NPAT: variants seen among roughly 807,000 people sequenced by gnomAD.
The protein encoded by NPAT is nuclear protein, coactivator of histone transcription, also known as protein NPAT.
A neutral mutation model predicts 130.7 loss-of-function variants in NPAT; 52 were observed. The ratio of observed to expected loss-of-function variants is 0.40; its 90% CI spans 0.32 to 0.50. The LOEUF (loss-of-function observed/expected upper bound fraction) is 0.50, where lower values mean the gene tolerates loss of function less well. Ranked by LOEUF, NPAT falls within the 20% of genes least tolerant of loss-of-function variation. NPAT has a pLI of 0.68. For missense variants in NPAT, 1,687 were observed against 1,662.6 expected, an observed-to-expected ratio of 1.01 and a Z score of -0.26; for synonymous variants, 580 against 584.8, an observed-to-expected ratio of 0.99 and a Z score of 0.12.
intron 1 of NPAT, among the ~76,000 whole-genome samples, chr11:108,211,655 T>A (rs1470586196): frequency 6.6e-6 from 1 of 152,038 alleles, no homozygotes; most frequent in African/African-American, 2.4e-5. Context: ...TAATGCAAGG[T>A]TGGTTGAATA....
chr11:108,207,602 C>T (rs1306013249), intron 1 of NPAT, among the ~76,000 whole-genome samples: 2 of 152,262 alleles, frequency 1.3e-5, no homozygotes, highest in African/African-American at 2.4e-5. Context: ...TGCACACACC[C>T]AGCCAGGTCC....
chr11:108,180,857 T>G (rs555286887), intron 10 of NPAT, among the ~76,000 whole-genome samples: 3 of 152,322 alleles, frequency 2.0e-5, no homozygotes, highest in African/African-American at 7.2e-5. Flanking sequence ...GGAATATTAT[T>G]CAGCCTTTAA....
At chr11:108,173,947 C>T in intron 12 of NPAT, 96 bp from the exon 13 acceptor site, 1 of 1,045,108 alleles carries the variant, frequency 9.6e-7, no homozygotes, top group East Asian at 2.5e-5. Context: ...AAGAAAATAA[C>T]TCATCTTTGC....
intron 11 of NPAT, 151 bp downstream of exon 11, chr11:108,176,843 A>C (rs1414428296): frequency 1.6e-6 from 1 of 612,112 alleles, no homozygotes; most frequent in African/African-American, 1.9e-5. Flanking sequence ...CAAAACAACA[A>C]ACACTCCTTT....
chr11:108,212,737 G>A (rs946024396), intron 1 of NPAT, among the ~76,000 whole-genome samples: 3 of 151,634 alleles, frequency 2.0e-5, no homozygotes, highest in African/African-American at 7.3e-5. Flanking sequence ...CTGAGGTCAG[G>A]AGTTCGAGAC....
Position 108,172,530 on chromosome 11 carries a change from T to G in NPAT, c.2454A>C (p.Lys818Asn). 6.2e-7 allele frequency: 1 copy of G among 1,614,204 alleles called. No homozygotes were observed. The highest frequency in any genetic ancestry group is 1.1e-5 in the South Asian group (1 of 91,086). ...TATTGTTTACTGCAGAGTCTTCAGA[T>G]TTGAATGTTAAAAGACTCTGTTCCA... is the stretch of plus-strand genomic sequence containing the variant. ...ASMEQSLLTF[K>N]SEDSAVNNTQ... The change falls in exon 13 of 18, where the codon AAA becomes AAC. Residue 818 changes from lysine (K) to asparagine (N), a missense_variant. Physicochemically the swap from Lys to Asn is moderately conservative, Grantham distance 94. Transcript: ENST00000278612.
At chr11:108,165,823 C>T (rs977326938) in intron 15 of NPAT, among the ~76,000 whole-genome samples, 11 of 151,836 alleles carry the variant, frequency 7.2e-5, no homozygotes, top group East Asian at 3.9e-4. Flanking sequence ...TTAGTAGAGA[C>T]GGGGTTTCAC....
At chr11:108,187,822 G>T (rs1164277577) in intron 7 of NPAT, among the ~76,000 whole-genome samples, 1 of 152,006 alleles carries the variant, frequency 6.6e-6, no homozygotes, top group Non-Finnish European at 1.5e-5. Context: ...AAAAATCTCA[G>T]ATAACATCAT....
At chr11:108,208,677 G>A in intron 1 of NPAT, 1 of 276,158 alleles carries the variant, frequency 3.6e-6, no homozygotes, top group Non-Finnish European at 7.2e-6. Context: ...CTCACAGAAG[G>A]GAAAGGAGAA....
At chr11:108,196,522 G>C (rs1214739614) in intron 2 of NPAT, among the ~76,000 whole-genome samples, 1 of 152,036 alleles carries the variant, frequency 6.6e-6, no homozygotes, top group South Asian at 2.1e-4. Flanking sequence ...TAAATTGGGA[G>C]GAACTAACAC....
chr11:108,176,427 A>C (rs547675434), intron 11 of NPAT, 53 bp from the exon 12 acceptor site: 3 of 1,252,324 alleles, frequency 2.4e-6, no homozygotes, highest in Non-Finnish European at 2.3e-6. Flanking sequence ...AAAAATAAAC[A>C]TCAATGAATA....
chr11:108,184,238 G>A (rs1231634477), intron 10 of NPAT, among the ~76,000 whole-genome samples: 1 of 152,080 alleles, frequency 6.6e-6, no homozygotes, highest in Non-Finnish European at 1.5e-5. Context: ...TTGGGAAGCC[G>A]AGGCGGGCAG....
At chr11:108,208,599 A>AG in intron 1 of NPAT, 1 of 348,576 alleles carries the variant, frequency 2.9e-6, no homozygotes, top group African/African-American at 2.2e-5. Context: ...AAAAAAAAAA[A>AG]AAGAGAGAGA....
chr11:108,197,105 G>A (rs1424340540), intron 2 of NPAT, among the ~76,000 whole-genome samples, 197 bp downstream of exon 2: 1 of 152,216 alleles, frequency 6.6e-6, no homozygotes, highest in African/African-American at 2.4e-5. Flanking sequence ...AGTCAAAGTT[G>A]TAATTCATTT....
chr11:108,181,613 C>T (rs531482775), intron 10 of NPAT, among the ~76,000 whole-genome samples: 3 of 152,122 alleles, frequency 2.0e-5, no homozygotes, highest in South Asian at 4.1e-4. Context: ...AATAAACACT[C>T]CCCTTTGGGC....
intron 12 of NPAT, among the ~76,000 whole-genome samples, chr11:108,174,703 C>T (rs1404831808): frequency 6.6e-6 from 1 of 151,420 alleles, no homozygotes; most frequent in East Asian, 1.9e-4. Flanking sequence ...CAGCCTCTGC[C>T]TCCCGGGTTC....
At chr11:108,180,564 A>G (rs2078049792) in intron 10 of NPAT, among the ~76,000 whole-genome samples, 1 of 150,424 alleles carries the variant, frequency 6.6e-6, no homozygotes, top group Non-Finnish European at 1.5e-5. Context: ...CGTGTTGATG[A>G]GGATGTAGAT....
intron 3 of NPAT, 103 bp from the exon 4 acceptor site, chr11:108,192,293 A>C: frequency 1.3e-6 from 1 of 792,708 alleles, no homozygotes; most frequent in Admixed American, 1.8e-5. Context: ...AATTATTGAC[A>C]GTATGTTGGA....
rs576905510 is a variant in NPAT, at chr11:108,161,353, C to T, written c.3733G>A (p.Glu1245Lys). 6.2e-7 allele frequency: 1 copy of T among 1,614,168 alleles called. No individual in the cohort carries two copies. The highest frequency in any genetic ancestry group is 8.5e-7 in the Non-Finnish European group (1 of 1,180,036). ...TGCCTCTGTATATCCTGTAACATTT[C>T]TGTGGTAATCAAAGAACTGGCGGAT... ...TKSASSLITT[E>K]MLQDIQRHSS... The change falls in exon 17 of 18, where the codon GAA becomes AAA. Residue 1245 changes from glutamate (E) to lysine (K), a missense_variant. Around this residue, in one of 3 missense-constraint regions of NPAT, gnomAD observed 1,379 missense variants for 1,346.6 expected, o/e 1.02. Transcript: ENST00000278612.
Sources: allele counts gnomAD v4.1 joint callset (sites outside exome capture counted in the v4.1 genomes callset), GRCh38; gene constraint gnomAD v4.1.1; regional missense constraint gnomAD v4.1.1; transcripts MANE v1.5; gene names NCBI Gene and HGNC (gene_info 2026-07-23, HGNC 2026-07-21).